DPP8: variants seen among roughly 807,000 people sequenced by gnomAD.
DPP8 encodes DPP VIII.
A neutral mutation model predicts 107.5 loss-of-function variants in DPP8; 31 were observed. The ratio of observed to expected loss-of-function variants is 0.29; its 90% confidence interval spans 0.22 to 0.39. The LOEUF (loss-of-function observed/expected upper bound fraction) is 0.39, where lower values mean the gene tolerates loss of function less well. Among genes scored for constraint, DPP8 ranks in the 10% least tolerant of loss-of-function variants. The pLI, the probability that DPP8 is intolerant of heterozygous loss-of-function variation, is 1.00. For missense variants in DPP8, 842 were observed against 1,076.1 expected (o/e 0.78, Z 3.04); for synonymous variants, 381 against 356.6 (o/e 1.07, Z -0.77).
chr15:65,505,930 G>A (rs1164827338), intron 3 of DPP8, among the ~76,000 whole-genome samples: 21 of 138,566 alleles, frequency 1.5e-4, no homozygotes, highest in African/African-American at 5.6e-4. Flanking sequence ...AGCCTGGGTT[G>A]CAGAGCAAGA....
rs1008556895 is a variant in DPP8, at chr15:65,512,675, T to C, written c.-11-111A>G. On this transcript the variant is annotated intron_variant, in intron 1 of 19. Transcript: ENST00000300141. ...GGGAGTGGGGAGGGCAAGAAAAAAA[T>C]GCTTTTTAGCACAGCTGCAATGAAA... The C allele has an allele frequency of 6.2e-5, 71 of 1,142,414 alleles. No individual in the cohort carries two copies. In the Admixed American group the frequency reaches 6.5e-4, roughly 10 times the overall value. The allele number at this position is 1,142,414 out of a possible 1,614,324, so 70.8% of individuals were successfully genotyped here. A position where few individuals can be genotyped will look rare whatever the true frequency, so the allele number is the denominator to read the frequency against.
chr15:65,505,354 C>CA (rs11311748), intron 3 of DPP8, among the ~76,000 whole-genome samples: 4 of 143,528 alleles, frequency 2.8e-5, no homozygotes, highest in South Asian at 2.2e-4. Context: ...GACTCTGTCT[C>CA]AAAAAAAAAA....
In DPP8 at chr15:65,446,001, A is replaced by G. The variant is rs750465664; in HGVS notation, c.*883T>C. The G allele has an allele frequency of 3.3e-5, 5 of 152,108 alleles. No homozygotes were observed. The highest frequency in any genetic ancestry group is 7.3e-5 in the Non-Finnish European group (5 of 68,034). The allele number at this position is 152,108 out of a possible 1,614,324, so 9.4% of individuals were successfully genotyped here. On this transcript the variant is annotated 3_prime_UTR_variant, in exon 20 of 20. Coordinates refer to ENST00000300141, the MANE Select transcript of DPP8 (RefSeq NM_130434.5). ...AAATTCTAGAATATTTTAATAAGGA[A>G]ATACCAAATGGAAACTGGCACCACT...
intron 19 of DPP8, among the ~76,000 whole-genome samples, chr15:65,448,922 A>ATATATT (rs2063757092): frequency 2.2e-5 from 2 of 90,880 alleles, no homozygotes; most frequent in African/African-American, 7.9e-5. Flanking sequence ...ATATATATAT[A>ATATATT]TTTAGCCTGG....
chr15:65,498,605 T>TTCG (rs1298316889), intron 4 of DPP8, among the ~76,000 whole-genome samples: 1 of 152,142 alleles, frequency 6.6e-6, no homozygotes, highest in Non-Finnish European at 1.5e-5. Flanking sequence ...CCCAACCTGT[T>TTCG]TAAGAGAGTA....
intron 5 of DPP8, among the ~76,000 whole-genome samples, chr15:65,491,299 T>C (rs1436281685): frequency 6.6e-6 from 1 of 152,148 alleles, no homozygotes; most frequent in Non-Finnish European, 1.5e-5. Context: ...AGTGCTGATA[T>C]AAACTGAAAT....
chr15:65,444,491 G>T lies in DPP8; in HGVS notation c.*2393C>A, dbSNP rs2063419214. 6.6e-6 allele frequency: 1 copy of T among 152,212 alleles called. No individual in the cohort carries two copies. Among genetic ancestry groups the T allele is most frequent in the African/African-American group, 2.4e-5 (1 of 41,450 alleles). 9.4% of individuals were successfully genotyped at this position (152,212 alleles called of 1,614,324 possible). A position where few individuals can be genotyped will look rare whatever the true frequency, so the allele number is the denominator to read the frequency against. On this transcript the variant is annotated 3_prime_UTR_variant, in exon 20 of 20. Coordinates refer to ENST00000300141, the MANE Select transcript of DPP8 (RefSeq NM_130434.5). ...TACTCAGGGGGTACAAACTTTTAGT[G>T]AGATTTCTACTGATTGCCTCAATTG...
intron 10 of DPP8, 117 bp from the exon 11 acceptor site, chr15:65,479,156 C>T: frequency 1.6e-6 from 1 of 632,710 alleles, no homozygotes; most frequent in Non-Finnish European, 2.5e-6. Context: ...ACCATCAATG[C>T]CAAAGGAATG....
At chr15:65,512,997 G>C (rs2070990025) in intron 1 of DPP8, among the ~76,000 whole-genome samples, 1 of 152,190 alleles carries the variant, frequency 6.6e-6, no homozygotes, top group African/African-American at 2.4e-5. Context: ...TGGTAAGTGT[G>C]GATTTTTTTC....
At chr15:65,504,488 G>A (rs527512599) in intron 3 of DPP8, among the ~76,000 whole-genome samples, 2 of 151,714 alleles carry the variant, frequency 1.3e-5, no homozygotes, top group Admixed American at 1.3e-4. Flanking sequence ...TGGCCAACAT[G>A]GTGAAACCCT....
chr15:65,459,285 T>C (rs1488749200), intron 15 of DPP8, among the ~76,000 whole-genome samples: 1 of 152,042 alleles, frequency 6.6e-6, no homozygotes, highest in Admixed American at 6.6e-5. Context: ...CAAGCAATCC[T>C]CCTATCTCAG....
chr15:65,497,399 C>G (rs1027933192), intron 5 of DPP8, among the ~76,000 whole-genome samples: 1 of 152,116 alleles, frequency 6.6e-6, no homozygotes, highest in Non-Finnish European at 1.5e-5. Context: ...TGGGACTACA[C>G]ATGCCACTAC....
chr15:65,505,078 G>A (rs1486626092), intron 3 of DPP8, among the ~76,000 whole-genome samples: 2 of 152,052 alleles, frequency 1.3e-5, no homozygotes, highest in South Asian at 2.1e-4. Context: ...GAGCAGGGCC[G>A]GGCGCGGTGG....
rs749829895 is a variant in DPP8, at chr15:65,512,276, A to C, written c.259+19T>G. On this transcript the variant is annotated intron_variant, in intron 2 of 19. Transcript: ENST00000300141. ...CTTAAGAGATCATTTTCTCTCAGAA[A>C]CTACAACTTCGTACTCACCAAGGTA... 1.9e-6 allele frequency: 3 copies of C among 1,582,504 alleles called. No individual in the cohort carries two copies. Among genetic ancestry groups the C allele is most frequent in the Non-Finnish European group, 2.6e-6 (3 of 1,165,502 alleles).
In DPP8 at chr15:65,512,399, G is replaced by C. The variant is rs536195569; in HGVS notation, c.155C>G (p.Thr52Ser). The C allele has an allele frequency of 2.5e-6, 4 of 1,614,004 alleles. No homozygotes were observed. The highest frequency in any genetic ancestry group is 1.1e-5 in the South Asian group (1 of 91,072). ...CATCATGTAGCCATGATATTTTCTG[G>C]TATCGGCAAGCAGCTTTTTAAGCTG... ...WSQLKKLLAD[T>S]RKYHGYMMAK... The change falls in exon 2 of 20, where the codon ACC becomes AGC. Residue 52 changes from threonine to serine, a missense_variant. By Grantham distance (58) the Thr-to-Ser change is moderately conservative. Transcript: ENST00000300141.
intron 19 of DPP8, among the ~76,000 whole-genome samples, chr15:65,448,713 C>A (rs141382225): frequency 6.6e-5 from 8 of 121,806 alleles, no homozygotes; most frequent in African/African-American, 2.3e-4. Flanking sequence ...ATAAAATGTA[C>A]ATATATATAT....
Position 65,471,513 on chromosome 15 carries a change from A to ATTTT in DPP8, c.1536+2692_1536+2695dup, listed in dbSNP as rs35149810. 2.4e-5 allele frequency among the ~76,000 whole-genome samples: 3 copies of ATTTT among 125,248 alleles called. No homozygotes were observed. The South Asian group carries it at 7.5e-4, about 31-fold the overall frequency. 82.2% of individuals were successfully genotyped at this position (125,248 alleles called of 152,430 possible). On this transcript the variant is annotated intron_variant, in intron 12 of 19. Coordinates refer to ENST00000300141, the MANE Select transcript of DPP8 (RefSeq NM_130434.5). ...AGGCATGCACCACCATAACCAGCCT[A>ATTTT]TTTTTTTTTTTTTTTTTTGGTAGAG...
intron 19 of DPP8, among the ~76,000 whole-genome samples, chr15:65,448,865 A>ATATATATAT (rs2063706587): frequency 1.9e-5 from 1 of 53,312 alleles, no homozygotes; most frequent in Non-Finnish European, 3.9e-5. Flanking sequence ...ATATATCTAA[A>ATATATATAT]ATATATATAT....
Position 65,442,727 on chromosome 15 carries a change from CACT to C in DPP8, c.*4154_*4156del, listed in dbSNP as rs929991408. 7 of 152,152 alleles carry C rather than the reference CACT, an allele frequency of 4.6e-5. No individual in the cohort carries two copies. Among genetic ancestry groups the C allele is most frequent in the Admixed American group, 3.9e-4 (6 of 15,278 alleles). 9.4% of individuals were successfully genotyped at this position (152,152 alleles called of 1,614,324 possible). On this transcript the variant is annotated 3_prime_UTR_variant, in exon 20 of 20. Transcript: ENST00000300141. ...GGTTACTTAAAAACAAACATACAAA[CACT>C]ACTTTTTCTTTATCTGTAAAGGACT... is the stretch of plus-strand genomic sequence containing the variant.
Sources: allele counts gnomAD v4.1 joint callset (sites outside exome capture counted in the v4.1 genomes callset), GRCh38; gene constraint gnomAD v4.1.1; transcripts MANE v1.5; gene names NCBI Gene and HGNC (gene_info 2026-07-23, HGNC 2026-07-21).